Variants in ENTHD1 observed in about 807,000 individuals in gnomAD.
ENTHD1 encodes the protein ENTH domain containing 1, also known as ENTH domain-containing protein 1.
A neutral mutation model predicts 39.1 loss-of-function variants in ENTHD1; 23 were observed. The ratio of observed to expected loss-of-function variants is 0.59; its 90% CI spans 0.42 to 0.83. The LOEUF (loss-of-function observed/expected upper bound fraction) is 0.83, where lower values mean the gene tolerates loss of function less well. ENTHD1 is among the 40% of genes least tolerant of loss of function. The probability of loss-of-function intolerance (pLI) is 0.00; values close to 1 mark genes in which losing one functional copy is unlikely to be tolerated. For synonymous variants in ENTHD1, 230 were observed against 258.2 expected, an observed-to-expected ratio of 0.89 and a Z score of 1.05; for missense variants, 624 against 705.4, an observed-to-expected ratio of 0.88 and a Z score of 1.31.
chr22:39,820,238 T>TG (rs1490367806), intron 5 of ENTHD1, among the ~76,000 whole-genome samples: 3 of 152,136 alleles, frequency 2.0e-5, no homozygotes, highest in Non-Finnish European at 4.4e-5. Flanking sequence ...GTGAGATGCA[T>TG]GGTCCAAGAA....
chr22:39,887,530 T>C lies in ENTHD1; in HGVS notation c.219A>G (p.Lys73=). Residue 73 remains lysine, a synonymous_variant, in exon 2 of 7, where the codon AAA becomes AAG. Coordinates refer to ENST00000325157, the MANE Select transcript of ENTHD1 (RefSeq NM_152512.4). ...TGAGATAATCCATTAGGGTAAGGGA[T>C]TTATACACGTGGCGCCAGTTCTTCC... is the stretch of plus-strand genomic sequence containing the variant. ...DHGKNWRHVY[K]SLTLMDYLIK... is the part of the protein sequence containing the mutation. The C allele has an allele frequency of 6.2e-7, 1 of 1,614,204 alleles. No individual in the cohort carries two copies. Among genetic ancestry groups the C allele is most frequent in the South Asian group, 1.1e-5 (1 of 91,088 alleles).
chr22:39,809,603 T>A (rs2065670016), intron 5 of ENTHD1, among the ~76,000 whole-genome samples: 1 of 152,208 alleles, frequency 6.6e-6, no homozygotes, highest in Non-Finnish European at 1.5e-5. Context: ...ATCTATTACA[T>A]ACAATTTGCT....
intron 4 of ENTHD1, among the ~76,000 whole-genome samples, chr22:39,832,369 C>A (rs181182973): frequency 2.0e-5 from 3 of 151,904 alleles, no homozygotes; most frequent in Admixed American, 2.0e-4. Context: ...TGGGCACCTA[C>A]GAAAGGAGAA....
At chr22:39,823,593 C>A (rs1459553077) in intron 4 of ENTHD1, among the ~76,000 whole-genome samples, 1 of 152,104 alleles carries the variant, frequency 6.6e-6, no homozygotes, top group East Asian at 1.9e-4. Flanking sequence ...CTCAAACGAT[C>A]CACCCAAACT....
chr22:39,830,624 G>GA (rs1304205182), intron 4 of ENTHD1, among the ~76,000 whole-genome samples: 1 of 151,942 alleles, frequency 6.6e-6, no homozygotes, highest in South Asian at 2.1e-4. Flanking sequence ...TCTTTCACAG[G>GA]AAAAAAAGAG....
chr22:39,777,713 T>A (rs1263150303), intron 5 of ENTHD1, among the ~76,000 whole-genome samples: 2 of 152,200 alleles, frequency 1.3e-5, no homozygotes, highest in African/African-American at 4.8e-5. Context: ...AAATGGATTA[T>A]AATGAATGGA....
At chr22:39,818,282 A>T (rs2065749673) in intron 5 of ENTHD1, among the ~76,000 whole-genome samples, 1 of 152,200 alleles carries the variant, frequency 6.6e-6, no homozygotes, top group Non-Finnish European at 1.5e-5. Context: ...AAGCCTTCAG[A>T]TGATTCCTGC....
chr22:39,764,864 A>G (rs1376084632), intron 6 of ENTHD1, among the ~76,000 whole-genome samples: 2 of 151,990 alleles, frequency 1.3e-5, no homozygotes, highest in Non-Finnish European at 2.9e-5. Context: ...CAATACACAT[A>G]ATAACCAATT....
Position 39,743,726 on chromosome 22 carries a change from A to T in ENTHD1, c.1777T>A (p.Ser593Thr), listed in dbSNP as rs568491500. 6.2e-7 allele frequency: 1 copy of T among 1,613,896 alleles called. No individual in the cohort carries two copies. Among genetic ancestry groups the T allele is most frequent in the Non-Finnish European group, 8.5e-7 (1 of 1,179,874 alleles). ...TCAGAAGACTGGGGGACCTGGGAAG[A>T]CTGGCTTATTTGTGAACTATTCAGA... Reference protein sequence around the residue: ...MSLNSSQISQSSQVPQSSEGS... With the variant: ...MSLNSSQISQTSQVPQSSEGS... Residue 593 changes from serine (S) to threonine (T), a missense_variant, in exon 7 of 7, where the codon TCT becomes ACT. Transcript: ENST00000325157.
intron 2 of ENTHD1, among the ~76,000 whole-genome samples, chr22:39,871,337 C>T (rs564277998): frequency 2.0e-5 from 3 of 152,126 alleles, no homozygotes; most frequent in East Asian, 1.9e-4. Context: ...TAACTAATAT[C>T]GACAGGTAAC....
chr22:39,826,187 T>C (rs2065825129), intron 4 of ENTHD1, among the ~76,000 whole-genome samples: 1 of 152,186 alleles, frequency 6.6e-6, no homozygotes, highest in South Asian at 2.1e-4. Context: ...AGTATAAAGT[T>C]GTTGATAGTA....
rs1287694268 is a variant in ENTHD1, at chr22:39,867,904, A to G, written c.350-5897T>C. On this transcript the variant is annotated intron_variant, in intron 2 of 6. Transcript: ENST00000325157. This position sits in a 1 kb window ranked among gnomAD's most constrained non-coding sequence, Gnocchi z 4.5. ...ATAGACACTGCCAGTCTCAAAAACAAGATAAAAACCCCCACGAAGCAGAAA... is the reference window on the plus strand; with the variant it reads ...ATAGACACTGCCAGTCTCAAAAACAGGATAAAAACCCCCACGAAGCAGAAA... 6.6e-6 allele frequency among the ~76,000 whole-genome samples: 1 copy of G among 152,180 alleles called. No individual in the cohort carries two copies. The highest frequency in any genetic ancestry group is 2.4e-5 in the African/African-American group (1 of 41,436).
chr22:39,820,939 T>A, intron 5 of ENTHD1, 54 bp downstream of exon 5: 1 of 1,605,354 alleles, frequency 6.2e-7, no homozygotes, highest in Non-Finnish European at 8.5e-7. Flanking sequence ...ACGGTTGCTG[T>A]ACTTCACAAA....
At chr22:39,792,315 T>A (rs1044664871) in intron 5 of ENTHD1, among the ~76,000 whole-genome samples, 1 of 152,128 alleles carries the variant, frequency 6.6e-6, no homozygotes, top group African/African-American at 2.4e-5. Flanking sequence ...CGCCACACTG[T>A]CTTCCACAAT....
chr22:39,829,311 A>G (rs2065848923), intron 4 of ENTHD1, among the ~76,000 whole-genome samples: 1 of 152,130 alleles, frequency 6.6e-6, no homozygotes, highest in Admixed American at 6.6e-5. Context: ...GATGTAATGT[A>G]GATCAATAAC....
At chr22:39,781,464 G>A (rs1055099827) in intron 5 of ENTHD1, among the ~76,000 whole-genome samples, 12 of 152,144 alleles carry the variant, frequency 7.9e-5, no homozygotes, top group Admixed American at 6.5e-4. Flanking sequence ...TGAAACAAAT[G>A]AAAATGGAAA....
intron 2 of ENTHD1, among the ~76,000 whole-genome samples, chr22:39,865,615 A>G (rs973173392): frequency 1.3e-5 from 2 of 152,218 alleles, no homozygotes; most frequent in Non-Finnish European, 2.9e-5. Flanking sequence ...AGTTGGAAGT[A>G]GAAAACATGG....
At chr22:39,794,821 G>C (rs972377467) in intron 5 of ENTHD1, among the ~76,000 whole-genome samples, 4 of 149,122 alleles carry the variant, frequency 2.7e-5, no homozygotes, top group Non-Finnish European at 4.5e-5. Flanking sequence ...AAAAAAAAAA[G>C]TGGCATCCTT....
In ENTHD1 at chr22:39,815,338, G is replaced by A. The variant is rs1002899937; in HGVS notation, c.832+5655C>T. On this transcript the variant is annotated intron_variant, in intron 5 of 6. Coordinates refer to ENST00000325157, the MANE Select transcript of ENTHD1 (RefSeq NM_152512.4). ...CGCGCCTATAATCCCAGCTACTTGG[G>A]AGGCTGAGGCAGGAGAATCGCTTGA... Among the ~76,000 whole-genome samples, 84 of 151,988 alleles carry A rather than the reference G, an allele frequency of 5.5e-4. 1 individual carries two copies. Among genetic ancestry groups the A allele is most frequent in the Non-Finnish European group, 2.6e-4 (18 of 68,010 alleles).
Sources: allele counts gnomAD v4.1 joint callset (sites outside exome capture counted in the v4.1 genomes callset), GRCh38; gene constraint gnomAD v4.1.1; non-coding constraint Gnocchi (gnomAD v3.1); transcripts MANE v1.5; gene names NCBI Gene and HGNC (gene_info 2026-07-23, HGNC 2026-07-21).